DYM: variants seen among roughly 807,000 people sequenced by gnomAD.
The protein encoded by DYM is dyggve-Melchior-Clausen syndrome protein.
Under a neutral mutation model 93.1 loss-of-function variants are expected in DYM, and 78 were observed. The ratio of observed to expected loss-of-function variants is 0.84; its 90% CI spans 0.70 to 1.01. The LOEUF is 1.01. DYM is among the 50% of genes least tolerant of loss of function. The pLI is 0.00. For missense variants in DYM, 789 were observed against 845.0 expected (o/e 0.93, Z 0.82); for synonymous variants, 321 against 319.7 (o/e 1.00, Z -0.04).
chr18:49,075,883 T>A (rs772101119), intron 17 of DYM, among the ~76,000 whole-genome samples: 3 of 152,226 alleles, frequency 2.0e-5, no homozygotes, highest in Non-Finnish European at 4.4e-5. Flanking sequence ...CTGGCTAGTT[T>A]ACAGTAAAGA....
In DYM at chr18:49,440,885, TA is replaced by T. The variant is rs2081327935; in HGVS notation, c.-53-10439del. ...TATATTATATATAATATATATTATA[TA>T]TATAATATATTTATATAAATATATT... On this transcript the variant is annotated intron_variant, in intron 1 of 17. Transcript: ENST00000675505. Among the ~76,000 whole-genome samples, 43 of 11,412 alleles carry T rather than the reference TA, an allele frequency of 3.8e-3. 20 individuals carry two copies. The highest frequency in any genetic ancestry group is 5.7e-3 in the South Asian group (2 of 352). The allele number at this position is 11,412 out of a possible 152,430, so 7.5% of individuals were successfully genotyped here.
intron 8 of DYM, among the ~76,000 whole-genome samples, chr18:49,292,631 A>ACG: frequency 7.8e-6 from 1 of 127,706 alleles, no homozygotes; most frequent in African/African-American, 3.0e-5. Context: ...AAAAACCCCC[A>ACG]CAAAAACCTG....
intron 17 of DYM, among the ~76,000 whole-genome samples, chr18:49,087,549 C>T (rs2078656229): frequency 6.6e-6 from 1 of 152,106 alleles, no homozygotes. Flanking sequence ...GACATTAAGC[C>T]ATTGTATGTT....
chr18:49,258,247 T>C lies in DYM; in HGVS notation c.1365+133A>G, dbSNP rs894908012. ...GTTACATTAGGATCATGTAATACAG[T>C]GACTATACAGTGACCGGTATTTTCT... On this transcript the variant is annotated intron_variant, in intron 12 of 17. Coordinates refer to ENST00000675505, the MANE Select transcript of DYM (RefSeq NM_001353214.3). 3.5e-5 allele frequency: 24 copies of C among 690,844 alleles called. No individual in the cohort carries two copies. In the African/African-American group the frequency reaches 4.1e-4, roughly 12 times the overall value. 42.8% of individuals were successfully genotyped at this position (690,844 alleles called of 1,614,324 possible).
At chr18:49,409,309 GA>G (rs1198551112) in intron 2 of DYM, among the ~76,000 whole-genome samples, 2 of 148,892 alleles carry the variant, frequency 1.3e-5, no homozygotes, top group African/African-American at 2.5e-5. Flanking sequence ...AGAAAAAAAA[GA>G]AAAAAACTTA....
chr18:49,048,408 T>A (rs1044370431), intron 17 of DYM: 5 of 152,190 alleles, frequency 3.3e-5, no homozygotes, highest in African/African-American at 1.2e-4. Context: ...TACATTTCGA[T>A]GTGGTAATGT....
intron 2 of DYM, among the ~76,000 whole-genome samples, chr18:49,418,649 G>A (rs929052619): frequency 8.5e-5 from 13 of 152,194 alleles, no homozygotes; most frequent in Admixed American, 2.6e-4. Flanking sequence ...ACTTGAAGAC[G>A]GCACATATGT....
chr18:49,231,108 A>G (rs774746480), intron 13 of DYM, among the ~76,000 whole-genome samples: 1 of 152,246 alleles, frequency 6.6e-6, no homozygotes, highest in Non-Finnish European at 1.5e-5. Flanking sequence ...AAGTTCAAAG[A>G]ACCTTAAGAT....
chr18:49,440,874 T>TATATTATATTTTATATA (rs2081321058), intron 1 of DYM, among the ~76,000 whole-genome samples: 2 of 24 alleles, frequency 0.083, no homozygotes, highest in African/African-American at 0.25. Context: ...TTATATATAA[T>TATATTATATTTTATATA]ATATATTATA....
At chr18:49,210,068 C>T (rs1386356418) in intron 13 of DYM, among the ~76,000 whole-genome samples, 3 of 152,162 alleles carry the variant, frequency 2.0e-5, no homozygotes, top group East Asian at 1.9e-4. Context: ...CAAATGCAGG[C>T]GAGGATGTGG....
intron 13 of DYM, among the ~76,000 whole-genome samples, chr18:49,236,375 G>A (rs538802526): frequency 5.5e-4 from 84 of 152,138 alleles, no homozygotes; most frequent in Non-Finnish European, 7.5e-4. Context: ...AGCTACTCGA[G>A]AGGCTGAGGC....
chr18:49,314,829 G>T (rs1262311594), intron 8 of DYM, among the ~76,000 whole-genome samples: 3 of 152,170 alleles, frequency 2.0e-5, no homozygotes, highest in Non-Finnish European at 4.4e-5. Flanking sequence ...GTTATACCAA[G>T]AATCCCAAGG....
At chr18:49,091,996 T>A (rs113132180) in intron 17 of DYM, among the ~76,000 whole-genome samples, 42 of 152,222 alleles carry the variant, frequency 2.8e-4, no homozygotes, top group African/African-American at 8.7e-4. Flanking sequence ...CTAGCAATTT[T>A]AAAAAAAGAA....
chr18:49,159,422 A>G (rs1170701140), intron 15 of DYM, among the ~76,000 whole-genome samples: 2 of 152,248 alleles, frequency 1.3e-5, no homozygotes, highest in African/African-American at 2.4e-5. Flanking sequence ...ACAAGGTCTA[A>G]AAGATTATTA....
At chr18:49,246,605 C>T (rs751963977) in intron 13 of DYM, among the ~76,000 whole-genome samples, 3 of 152,072 alleles carry the variant, frequency 2.0e-5, no homozygotes, top group Non-Finnish European at 4.4e-5. Flanking sequence ...TCACATAACT[C>T]GAGATTTTAA....
chr18:49,250,821 A>G (rs981749670), intron 13 of DYM, among the ~76,000 whole-genome samples: 10 of 152,256 alleles, frequency 6.6e-5, no homozygotes, highest in African/African-American at 2.4e-4. Context: ...GCTGTGAAAG[A>G]GCAAGGAACT....
intron 15 of DYM, among the ~76,000 whole-genome samples, chr18:49,138,190 AC>A (rs1312467074): frequency 6.6e-6 from 1 of 152,160 alleles, no homozygotes; most frequent in Admixed American, 6.6e-5. Context: ...GCTAACTCTA[AC>A]CCTTTGGTAT....
At chr18:49,182,536 T>C (rs570027228) in intron 14 of DYM, among the ~76,000 whole-genome samples, 2 of 152,234 alleles carry the variant, frequency 1.3e-5, no homozygotes, top group Non-Finnish European at 2.9e-5. Flanking sequence ...AATAATTTTC[T>C]TTATTCTGGT....
intron 6 of DYM, among the ~76,000 whole-genome samples, chr18:49,338,545 G>T (rs977621276): frequency 3.3e-5 from 5 of 152,096 alleles, no homozygotes; most frequent in Non-Finnish European, 7.4e-5. Flanking sequence ...AAACAGCATG[G>T]TATTTGTATA....
Sources: gnomAD v4.1 joint callset for allele counts (sites outside exome capture counted in the v4.1 genomes callset) on GRCh38, gnomAD v4.1.1 for gene constraint, MANE v1.5 for transcripts, NCBI Gene and HGNC (gene_info 2026-07-23, HGNC 2026-07-21) for gene names.